The following LDLRAD4 variants were observed in gnomAD, a reference collection of about 807,000 sequenced individuals.
The protein encoded by LDLRAD4 is low-density lipoprotein receptor class A domain-containing protein 4.
A neutral mutation model predicts 17.0 loss-of-function variants in LDLRAD4; 5 were observed. The ratio of observed to expected loss-of-function variants is 0.29; its 90% CI spans 0.15 to 0.62. The LOEUF is 0.62. LDLRAD4 is among the 20% of genes least tolerant of loss of function. The probability of loss-of-function intolerance (pLI) is 0.84; values close to 1 mark genes in which losing one functional copy is unlikely to be tolerated. For missense variants in LDLRAD4, 340 were observed against 424.7 expected, an observed-to-expected ratio of 0.80 and a Z score of 1.75; for synonymous variants, 168 against 171.8, an observed-to-expected ratio of 0.98 and a Z score of 0.17.
chr18:13,556,138 T>G (rs1485423198), intron 3 of LDLRAD4, among the ~76,000 whole-genome samples: 3 of 152,250 alleles, frequency 2.0e-5, no homozygotes, highest in Non-Finnish European at 2.9e-5. Flanking sequence ...CTAGAGTTCA[T>G]CGTGTCTGGA....
rs903010609 is a variant in LDLRAD4, at chr18:13,367,357, G to A, written c.-382-19984G>A. ...AGAGGGGCCTGGGAGATGAGGTCCC[G>A]CTGTGCAGAACACACGGGGACTGGC... On this transcript the variant is annotated intron_variant, in intron 1 of 5. Coordinates refer to ENST00000359446, the Ensembl canonical transcript of LDLRAD4. This position sits in a 1 kb window ranked among gnomAD's most constrained non-coding sequence, Gnocchi z 4.1. Among the ~76,000 whole-genome samples the A allele has an allele frequency of 4.6e-5, 7 of 152,072 alleles. No homozygotes were observed. Among genetic ancestry groups the A allele is most frequent in the African/African-American group, 1.2e-4 (5 of 41,394 alleles).
At chr18:13,608,566 C>G (rs943428605) in intron 3 of LDLRAD4, among the ~76,000 whole-genome samples, 5 of 152,290 alleles carry the variant, frequency 3.3e-5, no homozygotes, top group Admixed American at 6.5e-5. Flanking sequence ...TGGATGAGAG[C>G]TGAAATCTCA....
At chr18:13,231,681 G>A (rs1326728865) in intron 1 of LDLRAD4, among the ~76,000 whole-genome samples, 1 of 152,116 alleles carries the variant, frequency 6.6e-6, no homozygotes, top group African/African-American at 2.4e-5. Context: ...TATCACTTTC[G>A]CATGGGAATA....
chr18:13,388,675 C>T (rs2086020742), intron 2 of LDLRAD4, among the ~76,000 whole-genome samples: 1 of 152,238 alleles, frequency 6.6e-6, no homozygotes, highest in South Asian at 2.1e-4. Context: ...GCTTGATTGG[C>T]ATGGGCCTTC....
At chr18:13,416,434 C>T (rs1044117660) in intron 2 of LDLRAD4, among the ~76,000 whole-genome samples, 3 of 152,172 alleles carry the variant, frequency 2.0e-5, no homozygotes, top group Non-Finnish European at 4.4e-5. Flanking sequence ...GTGGTTCCAC[C>T]TTCACTTAAT....
In LDLRAD4 at chr18:13,617,220, G is replaced by A. The variant is rs914843160; in HGVS notation, c.182-3897G>A. Among the ~76,000 whole-genome samples the A allele has an allele frequency of 6.9e-4, 105 of 152,038 alleles. 1 individual carries two copies. The highest frequency in any genetic ancestry group is 3.4e-3 in the Middle Eastern group (1 of 294). On this transcript the variant is annotated intron_variant, in intron 3 of 5. Coordinates refer to ENST00000359446, the Ensembl canonical transcript of LDLRAD4. ...CCCAAAGTGCTGAGATTCCAGGCAC[G>A]CCTGGCCTGGAGTTTAGTTTTACAG...
chr18:13,348,590 C>T (rs1377847810), intron 1 of LDLRAD4, among the ~76,000 whole-genome samples: 5 of 152,188 alleles, frequency 3.3e-5, no homozygotes, highest in African/African-American at 1.2e-4. Context: ...CCACTACTGT[C>T]TTCCAAGCTG....
intron 1 of LDLRAD4, among the ~76,000 whole-genome samples, chr18:13,383,212 G>A (rs2085519307): frequency 6.6e-6 from 1 of 152,230 alleles, no homozygotes; most frequent in South Asian, 2.1e-4. Flanking sequence ...CTTCACGTAA[G>A]TGTCTTCCTT....
intron 1 of LDLRAD4, among the ~76,000 whole-genome samples, chr18:13,339,170 A>T (rs2082247285): frequency 6.6e-6 from 1 of 151,754 alleles, no homozygotes. Flanking sequence ...TATAGTGAGC[A>T]CATAATCTCT....
intron 1 of LDLRAD4, among the ~76,000 whole-genome samples, chr18:13,234,383 T>C (rs530074574): frequency 6.7e-6 from 1 of 150,310 alleles, no homozygotes; most frequent in South Asian, 2.1e-4. Context: ...GCACGGGGCC[T>C]GGTCATTGTG....
In LDLRAD4 at chr18:13,475,422, C is replaced by T. The variant is rs538680778; in HGVS notation, c.181+37038C>T. Among the ~76,000 whole-genome samples the T allele has an allele frequency of 2.2e-4, 29 of 129,790 alleles. No individual in the cohort carries two copies. The East Asian group carries it at 4.6e-3, about 21-fold the overall frequency. 85.1% of individuals were successfully genotyped at this position (129,790 alleles called of 152,430 possible). A position where few individuals can be genotyped will look rare whatever the true frequency, so the allele number is the denominator to read the frequency against. ...GACTCTGGTGCTCGCCACCACACCCCGCTGATTTTTTTTTTTTTTTTTTTG... is the reference window on the plus strand; with the variant it reads ...GACTCTGGTGCTCGCCACCACACCCTGCTGATTTTTTTTTTTTTTTTTTTG... On this transcript the variant is annotated intron_variant, in intron 3 of 5. Coordinates refer to ENST00000359446, the Ensembl canonical transcript of LDLRAD4.
exon 6 of LDLRAD4, chr18:13,652,415 A>T (rs1356852728): frequency 6.6e-6 from 1 of 152,416 alleles, no homozygotes; most frequent in Non-Finnish European, 1.5e-5. Context: ...ATTATAAAGC[A>T]ATCTACTAAA....
chr18:13,590,491 C>G (rs753882028), intron 3 of LDLRAD4, among the ~76,000 whole-genome samples: 62 of 152,214 alleles, frequency 4.1e-4, no homozygotes, highest in Admixed American at 3.5e-3. Flanking sequence ...TGTGACTGTT[C>G]AGAATGTACA....
At chr18:13,475,625 G>T (rs904615834) in intron 3 of LDLRAD4, among the ~76,000 whole-genome samples, 1 of 151,990 alleles carries the variant, frequency 6.6e-6, no homozygotes, top group South Asian at 2.1e-4. Context: ...GTAGCTTATG[G>T]TGCACACGGA....
intron 1 of LDLRAD4, among the ~76,000 whole-genome samples, chr18:13,309,152 C>G (rs2047082707): frequency 6.6e-6 from 1 of 152,198 alleles, no homozygotes; most frequent in Non-Finnish European, 1.5e-5. Context: ...GAGGCTTGTC[C>G]TTGGTGCAGA....
chr18:13,442,623 G>A (rs559874865), intron 3 of LDLRAD4, among the ~76,000 whole-genome samples: 22 of 152,366 alleles, frequency 1.4e-4, no homozygotes, highest in Admixed American at 5.9e-4. Flanking sequence ...CGGCTGCGGG[G>A]AGCCTGAGGC....
upstream of LDLRAD4, among the ~76,000 whole-genome samples, chr18:13,218,606 C>T (rs1199736886): frequency 6.6e-6 from 1 of 152,134 alleles, no homozygotes; most frequent in African/African-American, 2.4e-5. Context: ...CGGGCCAAGC[C>T]CCGCAGCCCC....
At chr18:13,420,735 A>G (rs2089366698) in intron 2 of LDLRAD4, 1 of 152,292 alleles carries the variant, frequency 6.6e-6, no homozygotes, top group South Asian at 2.1e-4. Context: ...TGGGCAGAGA[A>G]CAAAGTGGTC....
At chr18:13,473,538 G>T (rs1003171057) in intron 3 of LDLRAD4, among the ~76,000 whole-genome samples, 1 of 150,500 alleles carries the variant, frequency 6.6e-6, no homozygotes, top group African/African-American at 2.4e-5. Flanking sequence ...TACTCAGGAG[G>T]CTGAGGTGGG....
Sources: gnomAD v4.1 joint callset for allele counts (sites outside exome capture counted in the v4.1 genomes callset) on GRCh38, gnomAD v4.1.1 for gene constraint, Gnocchi (gnomAD v3.1) non-coding constraint, MANE v1.5 for transcripts, NCBI Gene and HGNC (gene_info 2026-07-23, HGNC 2026-07-21) for gene names.